Variants in FLT1 observed in about 807,000 individuals in gnomAD.
FLT1 encodes the protein vascular endothelial growth factor receptor 1.
Under a neutral mutation model 156.3 loss-of-function variants are expected in FLT1, and 49 were observed. The observed-to-expected ratio is 0.31, with a 90% CI of 0.25 to 0.40. The LOEUF (loss-of-function observed/expected upper bound fraction) is 0.40, where lower values mean the gene tolerates loss of function less well. Among genes scored for constraint, FLT1 ranks in the 10% least tolerant of loss-of-function variants. The pLI is 1.00. For missense variants in FLT1, 1,322 were observed against 1,637.2 expected, an observed-to-expected ratio of 0.81 and a Z score of 3.32; for synonymous variants, 594 against 583.8, an observed-to-expected ratio of 1.02 and a Z score of -0.25.
chr13:28,442,696 G>T (rs1319313771), intron 3 of FLT1, among the ~76,000 whole-genome samples: 1 of 118,668 alleles, frequency 8.4e-6, no homozygotes, highest in Non-Finnish European at 1.7e-5. Flanking sequence ...GCATATGACT[G>T]TAGATACACA....
chr13:28,303,501 C>CCCG (rs1870606957), intron 29 of FLT1, 133 bp from the exon 30 acceptor site: 7 of 776,094 alleles, frequency 9.0e-6, no homozygotes, highest in African/African-American at 1.7e-5. Flanking sequence ...AACCCCCCCC[C>CCCG]CCTCAATTGC....
chr13:28,493,310 TACA>T (rs1261276830), intron 1 of FLT1, among the ~76,000 whole-genome samples: 1 of 152,208 alleles, frequency 6.6e-6, no homozygotes, highest in African/African-American at 2.4e-5. Context: ...AAATAGAAAA[TACA>T]ACATTTTATT....
chr13:28,348,626 G>A (rs866193754), intron 15 of FLT1, among the ~76,000 whole-genome samples: 2 of 152,094 alleles, frequency 1.3e-5, no homozygotes, highest in South Asian at 4.1e-4. Context: ...AAAGAGTTTA[G>A]GGGCCGGGCG....
At chr13:28,320,764 C>T (rs546197683) in intron 23 of FLT1, among the ~76,000 whole-genome samples, 1 of 152,134 alleles carries the variant, frequency 6.6e-6, no homozygotes, top group East Asian at 1.9e-4. Context: ...CACACTGTAG[C>T]GTAACAAGCC....
chr13:28,422,108 G>A (rs1052616014), intron 10 of FLT1, among the ~76,000 whole-genome samples: 2 of 152,180 alleles, frequency 1.3e-5, no homozygotes, highest in African/African-American at 4.8e-5. Context: ...CACGTGGTTG[G>A]TGCCTAATAA....
intron 10 of FLT1, among the ~76,000 whole-genome samples, chr13:28,412,395 T>TCTTTCTTTCTTTCCTTCTTTCTTC (rs1876340615): frequency 6.8e-6 from 1 of 148,100 alleles, no homozygotes. Context: ...TTTCTTTCTT[T>TCTTTCTTTCTTTCCTTCTTTCTTC]CTTTCTTTCT....
chr13:28,369,754 G>A (rs1873469504), intron 14 of FLT1, among the ~76,000 whole-genome samples: 1 of 152,218 alleles, frequency 6.6e-6, no homozygotes, highest in Admixed American at 6.5e-5. Flanking sequence ...TGTTAAGCTG[G>A]AAGAGAATAT....
At chr13:28,471,802 C>T (rs775332108) in intron 1 of FLT1, among the ~76,000 whole-genome samples, 18 of 152,060 alleles carry the variant, frequency 1.2e-4, no homozygotes, top group Non-Finnish European at 2.5e-4. Context: ...TGATCTTGTC[C>T]CTTCTGTGAA....
chr13:28,353,338 C>T (rs771362142), intron 15 of FLT1, among the ~76,000 whole-genome samples: 2 of 151,898 alleles, frequency 1.3e-5, no homozygotes, highest in Non-Finnish European at 1.5e-5. Context: ...TTTGGGAGGC[C>T]GAGGCGGGTG....
chr13:28,452,374 G>T (rs1566035304), intron 3 of FLT1, among the ~76,000 whole-genome samples: 1 of 152,236 alleles, frequency 6.6e-6, no homozygotes, highest in South Asian at 2.1e-4. Flanking sequence ...GGGTTGTTTC[G>T]AGGATGAAAT....
intron 12 of FLT1, among the ~76,000 whole-genome samples, chr13:28,390,683 CA>C (rs1213897570): frequency 1.3e-5 from 2 of 152,140 alleles, no homozygotes; most frequent in Non-Finnish European, 2.9e-5. Context: ...AGGCATGAGC[CA>C]CTGCACCTGG....
At chr13:28,308,143 A>C (rs1321345841) in intron 28 of FLT1, among the ~76,000 whole-genome samples, 1 of 152,158 alleles carries the variant, frequency 6.6e-6, no homozygotes, top group African/African-American at 2.4e-5. Context: ...AGCCTGACTC[A>C]GTGGGTGTGG....
chr13:28,452,577 G>A (rs1244468536), intron 3 of FLT1, among the ~76,000 whole-genome samples: 1 of 152,062 alleles, frequency 6.6e-6, no homozygotes, highest in African/African-American at 2.4e-5. Flanking sequence ...CTTCCACTTT[G>A]GGACAGCTTT....
At position 28,405,761 on chromosome 13, in the gene FLT1, G is replaced by A. The variant is rs371969443; in HGVS notation, c.1551+19C>T. ...ATTTGTGGAATAAATATCCCAGTGCGCATTTTTACAAACAATACCTTATTC... is the reference window on the plus strand; with the variant it reads ...ATTTGTGGAATAAATATCCCAGTGCACATTTTTACAAACAATACCTTATTC... On this transcript the variant is annotated intron_variant, in intron 11 of 29. Transcript: ENST00000282397. 80 of 1,244,902 alleles carry A rather than the reference G, an allele frequency of 6.4e-5. No individual in the cohort carries two copies. Among genetic ancestry groups the A allele is most frequent in the Non-Finnish European group, 8.9e-5 (75 of 843,942 alleles). The allele number at this position is 1,244,902 out of a possible 1,614,324, so 77.1% of individuals were successfully genotyped here.
At chr13:28,321,645 C>A in intron 22 of FLT1, 60 bp from the exon 23 acceptor site, 1 of 1,548,198 alleles carries the variant, frequency 6.5e-7, no homozygotes, top group Non-Finnish European at 8.9e-7. Flanking sequence ...TAATTTCCTA[C>A]ACCTGTCAGT....
chr13:28,482,180 G>T (rs139364404), intron 1 of FLT1, among the ~76,000 whole-genome samples: 1 of 152,178 alleles, frequency 6.6e-6, no homozygotes, highest in Admixed American at 6.5e-5. Context: ...CTCGCCGGGT[G>T]TGGTGGCTCA....
chr13:28,313,855 G>T (rs1871099869), intron 25 of FLT1, among the ~76,000 whole-genome samples: 2 of 150,028 alleles, frequency 1.3e-5, no homozygotes, highest in African/African-American at 4.9e-5. Flanking sequence ...AGTATATGAG[G>T]TGGCTGCCAA....
intron 14 of FLT1, among the ~76,000 whole-genome samples, chr13:28,366,631 G>A (rs527987621): frequency 1.1e-4 from 16 of 151,944 alleles, no homozygotes; most frequent in South Asian, 8.3e-4. Context: ...CACCACGCCC[G>A]GCTAATTTTT....
intron 10 of FLT1, among the ~76,000 whole-genome samples, chr13:28,424,110 TG>T (rs1394887659): frequency 2.0e-5 from 3 of 152,132 alleles, no homozygotes; most frequent in Non-Finnish European, 2.9e-5. Flanking sequence ...GGCTAATTTT[TG>T]TATTTTAAGT....
Sources: gnomAD v4.1 joint callset for allele counts (sites outside exome capture counted in the v4.1 genomes callset) on GRCh38, gnomAD v4.1.1 for gene constraint, MANE v1.5 for transcripts, NCBI Gene and HGNC (gene_info 2026-07-23, HGNC 2026-07-21) for gene names.